Variants in GPR35 observed in about 807,000 individuals in gnomAD.
GPR35 encodes G protein-coupled receptor 35, also known as KYNA receptor.
For synonymous variants in GPR35, 207 were observed against 198.4 expected (o/e 1.04, Z -0.36); for missense variants, 372 against 422.5 (o/e 0.88, Z 1.05).
chr2:240,627,716 C>G (rs1311316040), intron 1 of GPR35: 1 of 140,692 alleles, frequency 7.1e-6, no homozygotes, highest in African/African-American at 2.6e-5. Flanking sequence ...CTCAAGTCAT[C>G]CTCCTGTCTC....
At chr2:240,616,971 A>G in intron 3 of GPR35, 1 of 773,760 alleles carries the variant, frequency 1.3e-6, no homozygotes, top group Non-Finnish European at 2.4e-6. Context: ...AAACTCTACC[A>G]ACAGCCACCT....
chr2:240,630,123 C>T lies in GPR35; in HGVS notation c.171C>T (p.Ile57=). The T allele has an allele frequency of 6.2e-7, 1 of 1,605,958 alleles. No individual in the cohort carries two copies. Residue 57 remains isoleucine, a synonymous_variant, in exon 2 of 2, where the codon ATC becomes ATT. Transcript: ENST00000407714. ...CRMQQWTETR[I]YMTNLAVADL... ...TGCAGCAGTGGACGGAGACCCGCATCTACATGACCAACCTGGCGGTGGCCG... is the reference window on the plus strand; with the variant it reads ...TGCAGCAGTGGACGGAGACCCGCATTTACATGACCAACCTGGCGGTGGCCG...
At chr2:240,605,883 C>T (rs887371673) in intron 1 of GPR35, among the ~76,000 whole-genome samples, 9 of 152,174 alleles carry the variant, frequency 5.9e-5, no homozygotes, top group African/African-American at 1.7e-4. Context: ...TTGATCCCAA[C>T]GTGAAGCCCT....
At chr2:240,623,121 C>T (rs998345948), upstream of GPR35, among the ~76,000 whole-genome samples, 4 of 152,348 alleles carry the variant, frequency 2.6e-5, no homozygotes, top group South Asian at 2.1e-4. Context: ...CGCAGCCCCG[C>T]GGCCGGAGTC....
In GPR35 at chr2:240,630,896, GGC is replaced by G. The variant is rs780325829; in HGVS notation, c.*17_*18del. 14 of 1,599,794 alleles carry G rather than the reference GGC, an allele frequency of 8.8e-6. No homozygotes were observed. The Admixed American group carries it at 2.4e-4, about 27-fold the overall frequency. ...ACCCTCGCCTAAGAGGCGTGCTGTG[GGC>G]GCTGTGGGCCAGGTCTCGGGGGCTC... On this transcript the variant is annotated 3_prime_UTR_variant, in exon 2 of 2. Coordinates refer to ENST00000407714, the MANE Select transcript of GPR35 (RefSeq NM_005301.5).
intron 2 of GPR35, among the ~76,000 whole-genome samples, chr2:240,610,020 C>T (rs918430125): frequency 3.3e-5 from 5 of 151,212 alleles, no homozygotes; most frequent in South Asian, 2.1e-4. Context: ...AGTGCAGTGG[C>T]GCAATCTCAG....
chr2:240,616,384 C>G (rs2043237372), intron 2 of GPR35: 1 of 772,000 alleles, frequency 1.3e-6, no homozygotes, highest in South Asian at 1.4e-5. Flanking sequence ...TATTCCCCTC[C>G]TAGGTCTCTT....
At chr2:240,606,388 T>A (rs2043134314) in exon 2 of GPR35, 1 of 152,290 alleles carries the variant, frequency 6.6e-6, no homozygotes, top group African/African-American at 2.4e-5. Flanking sequence ...GTGTTGCAGC[T>A]GACATGGGCT....
At position 240,630,390 on chromosome 2, in the gene GPR35, C is replaced by T. The variant is rs199812044; in HGVS notation, c.438C>T (p.Gly146=). The change falls in exon 2 of 2, where the codon GGC becomes GGT. Residue 146 remains glycine, a synonymous_variant. Transcript: ENST00000407714. ...VCAVLWVLVI[G]SLVARWLLGI... The stretch of plus-strand genomic sequence containing the variant: ...CGGTCCTCTGGGTGCTGGTCATCGG[C>T]TCCCTGGTGGCTCGCTGGCTCCTGG... 6.2e-7 allele frequency: 1 copy of T among 1,611,440 alleles called. No individual in the cohort carries two copies. Among genetic ancestry groups the T allele is most frequent in the East Asian group, 2.2e-5 (1 of 44,872 alleles).
At chr2:240,627,023 A>G (rs1311714382) in intron 1 of GPR35, among the ~76,000 whole-genome samples, 2 of 152,178 alleles carry the variant, frequency 1.3e-5, no homozygotes, top group Non-Finnish European at 2.9e-5. Context: ...GGGGCCTCAG[A>G]GGCGTGCTGC....
Position 240,615,295 on chromosome 2 carries a change from T to C in GPR35, c.-576-1093T>C, listed in dbSNP as rs1048503592. Among the ~76,000 whole-genome samples the C allele has an allele frequency of 2.6e-5, 4 of 152,288 alleles. 1 individual carries two copies. Among genetic ancestry groups the C allele is most frequent in the African/African-American group, 9.6e-5 (4 of 41,572 alleles). The stretch of plus-strand genomic sequence containing the variant: ...CTTGCCGAGTCCTCTCTAAGCCTCA[T>C]GTAGACCCGTGAGTCCCTTCTCCGT... On this transcript the variant is annotated intron_variant, in intron 2 of 5. Transcript: ENST00000319838.
intron 2 of GPR35, among the ~76,000 whole-genome samples, chr2:240,614,597 G>A (rs372974278): frequency 5.3e-5 from 8 of 152,230 alleles, no homozygotes; most frequent in Non-Finnish European, 1.0e-4. Flanking sequence ...CTGCTCTCCC[G>A]GTTCTCCCCT....
At chr2:240,624,721 C>A (rs2043348973), upstream of GPR35, among the ~76,000 whole-genome samples, 1 of 152,204 alleles carries the variant, frequency 6.6e-6, no homozygotes, top group South Asian at 2.1e-4. Flanking sequence ...GTGGACAGGG[C>A]CCAGGAAGGG....
upstream of GPR35, among the ~76,000 whole-genome samples, chr2:240,621,425 T>C (rs2043292730): frequency 6.6e-6 from 1 of 151,994 alleles, no homozygotes; most frequent in African/African-American, 2.4e-5. Flanking sequence ...CAGCTAATTT[T>C]TGTATTTTTA....
intron 4 of GPR35, among the ~76,000 whole-genome samples, chr2:240,618,239 A>G (rs1198207761): frequency 6.6e-6 from 1 of 152,230 alleles, no homozygotes; most frequent in Non-Finnish European, 1.5e-5. Context: ...TTATCCTGTA[A>G]CACACACAAT....
intron 4 of GPR35, among the ~76,000 whole-genome samples, chr2:240,617,976 A>G (rs1009094524): frequency 6.6e-6 from 1 of 152,208 alleles, no homozygotes; most frequent in Non-Finnish European, 1.5e-5. Flanking sequence ...TTCAAGAGAA[A>G]TGGTACTTAG....
At chr2:240,613,404 A>C (rs2043205459) in intron 2 of GPR35, among the ~76,000 whole-genome samples, 1 of 152,134 alleles carries the variant, frequency 6.6e-6, no homozygotes, top group Non-Finnish European at 1.5e-5. Context: ...TCAGATGGTT[A>C]AAGTGAGGGA....
chr2:240,624,502 G>A (rs1185069551), upstream of GPR35, among the ~76,000 whole-genome samples: 1 of 152,230 alleles, frequency 6.6e-6, no homozygotes, highest in Non-Finnish European at 1.5e-5. Flanking sequence ...GTCTGGCTCA[G>A]GAGGCCCAGG....
At chr2:240,608,725 G>A (rs2043158483) in intron 2 of GPR35, among the ~76,000 whole-genome samples, 1 of 152,226 alleles carries the variant, frequency 6.6e-6, no homozygotes, top group Non-Finnish European at 1.5e-5. Context: ...TCTTTGTCCA[G>A]TTTTGGTACA....
Sources: allele counts gnomAD v4.1 joint callset (sites outside exome capture counted in the v4.1 genomes callset), GRCh38; gene constraint gnomAD v4.1.1; transcripts MANE v1.5; gene names NCBI Gene and HGNC (gene_info 2026-07-23, HGNC 2026-07-21).